FGFR2: variants seen among roughly 807,000 people sequenced by gnomAD.
FGFR2 encodes the protein fibroblast growth factor receptor 2, also known as BEK fibroblast growth factor receptor.
In FGFR2, 19 loss-of-function variants were observed where a neutral mutation model predicts 95.9. That is an observed-to-expected ratio of 0.20 (90% CI 0.14 to 0.29). The LOEUF is 0.29. FGFR2 is among the 10% of genes least tolerant of loss of function. The pLI, the probability that FGFR2 is intolerant of heterozygous loss-of-function variation, is 1.00. For missense variants in FGFR2, 707 were observed against 1,056.9 expected (o/e 0.67, Z 4.59); for synonymous variants, 392 against 393.3 (o/e 1.00, Z 0.04).
chr10:121,594,114 CAG>C, intron 1 of FGFR2, 147 bp from the exon 2 acceptor site: 1 of 523,278 alleles, frequency 1.9e-6, no homozygotes, highest in Non-Finnish European at 3.5e-6. Context: ...ATCCTCACCT[CAG>C]AGTCCCAGGT....
At chr10:121,513,822 C>A (rs74160620) in intron 9 of FGFR2, among the ~76,000 whole-genome samples, 13 of 152,210 alleles carry the variant, frequency 8.5e-5, no homozygotes, top group African/African-American at 2.6e-4. Context: ...CAAAGAAAGA[C>A]CTGCTTGAAA....
chr10:121,533,790 C>T (rs763817437), intron 6 of FGFR2, among the ~76,000 whole-genome samples: 15 of 152,246 alleles, frequency 9.9e-5, no homozygotes, highest in Admixed American at 7.2e-4. Flanking sequence ...TACAGATAGG[C>T]GTGGAGAACA....
chr10:121,485,934 C>T lies in FGFR2; in HGVS notation c.2058-402G>A, dbSNP rs116397842. Among the ~76,000 whole-genome samples the T allele has an allele frequency of 1.6e-3, 250 of 152,312 alleles. No homozygotes were observed. The highest frequency in any genetic ancestry group is 5.6e-3 in the African/African-American group (234 of 41,566). On this transcript the variant is annotated intron_variant, in intron 15 of 17. Transcript: ENST00000358487. This position sits in a 1 kb window ranked among gnomAD's most constrained non-coding sequence, Gnocchi z 4.2. The stretch of plus-strand genomic sequence containing the variant: ...CAGAATAAGGCCAGCAAGCCAACTC[C>T]GCAGGATCACAGCTGCCCTGTGTGG...
chr10:121,539,497 A>G (rs551176791), intron 5 of FGFR2, among the ~76,000 whole-genome samples: 74 of 152,310 alleles, frequency 4.9e-4, no homozygotes, highest in Non-Finnish European at 8.7e-4. Context: ...CGCCATTCTT[A>G]TGTTCTCCCC....
Position 121,531,056 on chromosome 10 carries a change from A to AT in FGFR2, c.748+7535dup, listed in dbSNP as rs751883416. Reference sequence around the variant, plus strand: ...GCCAAGATTAAATGCCAGACCAAATATTAGCCCTCTCTCCAGCCACCTCAC... The same window carrying AT: ...GCCAAGATTAAATGCCAGACCAAATATTTAGCCCTCTCTCCAGCCACCTCAC... On this transcript the variant is annotated intron_variant, in intron 6 of 17. Coordinates refer to ENST00000358487, the MANE Select transcript of FGFR2 (RefSeq NM_000141.5). The surrounding 1 kb of genome is among the most constrained non-coding windows in gnomAD (Gnocchi z 4.5). Among the ~76,000 whole-genome samples, 1 of 152,196 alleles carries AT rather than the reference A, an allele frequency of 6.6e-6. No homozygotes were observed. Among genetic ancestry groups the AT allele is most frequent in the African/African-American group, 2.4e-5 (1 of 41,460 alleles).
Position 121,479,308 on chromosome 10 carries a change from AT to A in FGFR2, c.*548del, listed in dbSNP as rs1175623953. On this transcript the variant is annotated 3_prime_UTR_variant, in exon 18 of 18. Transcript: ENST00000358487. ...ATTTTTCCACCTCTGCTCGGTGAAA[AT>A]TAAGAAATTATGTGTAAGAACAGCA... The A allele has an allele frequency of 7.8e-6, 2 of 257,944 alleles. No homozygotes were observed. Among genetic ancestry groups the A allele is most frequent in the Admixed American group, 5.3e-5 (1 of 18,766 alleles). The allele number at this position is 257,944 out of a possible 1,614,324, so 16.0% of individuals were successfully genotyped here.
chr10:121,582,264 C>A (rs1861060683), intron 2 of FGFR2, among the ~76,000 whole-genome samples: 1 of 152,132 alleles, frequency 6.6e-6, no homozygotes, highest in Non-Finnish European at 1.5e-5. Flanking sequence ...TTGACAAGAG[C>A]CTGTCTCCCC....
At chr10:121,577,010 C>A (rs1369202954) in intron 2 of FGFR2, among the ~76,000 whole-genome samples, 1 of 150,098 alleles carries the variant, frequency 6.7e-6, no homozygotes, top group Non-Finnish European at 1.5e-5. Context: ...TGGCAGGCGC[C>A]TATAGTCCCA....
intron 13 of FGFR2, among the ~76,000 whole-genome samples, chr10:121,489,149 C>T (rs1649198): frequency 0.68 from 103,206 of 151,898 alleles, 36,089 homozygotes; most frequent in Admixed American, 0.76. Context: ...CTTGGCTCAC[C>T]GCAACCTCCG....
intron 2 of FGFR2, among the ~76,000 whole-genome samples, chr10:121,569,929 T>C (rs952821152): frequency 6.6e-6 from 1 of 152,072 alleles, no homozygotes; most frequent in Non-Finnish European, 1.5e-5. Context: ...GGAGAATGCA[T>C]GAATAAACAC....
rs1461208355 is a variant in FGFR2, at chr10:121,515,441, G to T, written c.1085-122C>A. Reference sequence around the variant, plus strand: ...CGACGACCATTCTCAAGGCAAGGTGGGCTTCCCAAAAACTCCCAAATGAAA... The same window carrying T: ...CGACGACCATTCTCAAGGCAAGGTGTGCTTCCCAAAAACTCCCAAATGAAA... On this transcript the variant is annotated intron_variant, in intron 8 of 17. Transcript: ENST00000358487. 6.1e-6 allele frequency: 6 copies of T among 975,988 alleles called. No individual in the cohort carries two copies. The African/African-American group carries it at 8.0e-5, about 13-fold the overall frequency. 60.5% of individuals were successfully genotyped at this position (975,988 alleles called of 1,614,324 possible). A position where few individuals can be genotyped will look rare whatever the true frequency, so the allele number is the denominator to read the frequency against.
chr10:121,502,290 T>C (rs902486977), intron 10 of FGFR2, among the ~76,000 whole-genome samples: 2 of 152,226 alleles, frequency 1.3e-5, no homozygotes, highest in Non-Finnish European at 2.9e-5. Context: ...CTCCACATCC[T>C]ACAGGTAAAG....
At chr10:121,529,132 G>A (rs1007198333) in intron 6 of FGFR2, among the ~76,000 whole-genome samples, 2 of 151,972 alleles carry the variant, frequency 1.3e-5, no homozygotes, top group African/African-American at 4.8e-5. Context: ...TTTTTGAGAA[G>A]GAGTCTCACT....
chr10:121,525,586 A>G (rs1404432906), intron 6 of FGFR2, among the ~76,000 whole-genome samples: 1 of 151,710 alleles, frequency 6.6e-6, no homozygotes, highest in African/African-American at 2.4e-5. Flanking sequence ...TGCAGCAGGA[A>G]AGCACAGCCT....
intron 9 of FGFR2, among the ~76,000 whole-genome samples, chr10:121,506,142 AG>A (rs1848235740): frequency 6.6e-6 from 1 of 152,012 alleles, no homozygotes; most frequent in Admixed American, 6.6e-5. Flanking sequence ...AGATCACTTG[AG>A]GTCAGGAGTT....
At chr10:121,513,674 T>C (rs911032630) in intron 9 of FGFR2, among the ~76,000 whole-genome samples, 2 of 152,088 alleles carry the variant, frequency 1.3e-5, no homozygotes, top group Non-Finnish European at 2.9e-5. Flanking sequence ...CCAAGAAAGA[T>C]AATCATGTCA....
intron 10 of FGFR2, among the ~76,000 whole-genome samples, chr10:121,502,794 G>C (rs141839646): frequency 1.6e-3 from 240 of 152,228 alleles, no homozygotes; most frequent in Middle Eastern, 6.8e-3. Context: ...AAGCTGTGAC[G>C]ACAAAAAGTA....
chr10:121,589,308 T>G (rs1385594390), intron 2 of FGFR2, among the ~76,000 whole-genome samples: 3 of 152,196 alleles, frequency 2.0e-5, no homozygotes, highest in Admixed American at 1.3e-4. Context: ...GGAAGACTAG[T>G]GGATACATTT....
In FGFR2 at chr10:121,593,895, C is replaced by T; in HGVS notation, c.-78G>A. On this transcript the variant is annotated 5_prime_UTR_variant, in exon 2 of 18. It removes an upstream start codon present in the reference 5' UTR. Transcript: ENST00000358487. ...CCCATCTGCACACTTCCTCTACGGG[C>T]ATGGACTACGCGCAATGCCTTCAGC... 2 of 1,359,938 alleles carry T rather than the reference C, an allele frequency of 1.5e-6. No individual in the cohort carries two copies. Among genetic ancestry groups the T allele is most frequent in the Non-Finnish European group, 2.1e-6 (2 of 949,986 alleles). The allele number at this position is 1,359,938 out of a possible 1,614,324, so 84.2% of individuals were successfully genotyped here.
Sources: allele counts gnomAD v4.1 joint callset (sites outside exome capture counted in the v4.1 genomes callset), GRCh38; gene constraint gnomAD v4.1.1; non-coding constraint Gnocchi (gnomAD v3.1); transcripts MANE v1.5; gene names NCBI Gene and HGNC (gene_info 2026-07-23, HGNC 2026-07-21).